Variants in TEX2 observed in about 807,000 individuals in gnomAD.
The protein encoded by TEX2 is testis expressed 2.
TEX2 carries 53 observed loss-of-function variants against 106.9 expected under a neutral mutation model. That is an observed-to-expected ratio of 0.50 (90% CI 0.40 to 0.62). The LOEUF (loss-of-function observed/expected upper bound fraction) is 0.62. Among genes scored for constraint, TEX2 ranks in the 20% least tolerant of loss-of-function variants. The pLI is 0.00. For missense variants in TEX2, 1,207 were observed against 1,379.0 expected (o/e 0.88, Z 1.98); for synonymous variants, 523 against 534.8 (o/e 0.98, Z 0.30).
intron 2 of TEX2, among the ~76,000 whole-genome samples, chr17:64,208,343 A>C (rs2032901325): frequency 6.6e-6 from 1 of 151,614 alleles, no homozygotes; most frequent in Non-Finnish European, 1.5e-5. Flanking sequence ...AGCTCAAGCG[A>C]TCTTCCTGCC....
intron 2 of TEX2, among the ~76,000 whole-genome samples, chr17:64,210,634 CTTTTTTT>C (rs58313195): frequency 0.026 from 1,979 of 74,776 alleles, 46 homozygotes; most frequent in Middle Eastern, 0.06. Flanking sequence ...CAACCCCCAG[CTTTTTTT>C]TTTTTTTTTT....
Position 64,194,898 on chromosome 17 carries a change from G to C in TEX2, c.1842C>G (p.Ser614Arg), listed in dbSNP as rs1471698875. Reference protein sequence around the residue: ...ISQKIYDLSDSKIYLVPKTLA... With the variant: ...ISQKIYDLSDRKIYLVPKTLA... ...TTCCAAAATTGCTCAGGCTCACCTTGCTGTCTGAGAGGTCATAGATTTTCT... is the reference window on the plus strand; with the variant it reads ...TTCCAAAATTGCTCAGGCTCACCTTCCTGTCTGAGAGGTCATAGATTTTCT... The change falls in exon 3 of 12, where the codon AGC becomes AGG. Residue 614 changes from serine to arginine, a missense_variant. Around this residue, in one of 3 missense-constraint regions of TEX2, gnomAD observed 1,067 missense variants for 1,193.6 expected, o/e 0.89. Coordinates refer to ENST00000584379, the MANE Select transcript of TEX2 (RefSeq NM_001288732.2). 1 of 1,613,948 alleles carries C rather than the reference G, an allele frequency of 6.2e-7. No homozygotes were observed. Among genetic ancestry groups the C allele is most frequent in the Non-Finnish European group, 8.5e-7 (1 of 1,179,948 alleles).
At position 64,196,196 on chromosome 17, in the gene TEX2, C is replaced by T. The variant is rs139209129; in HGVS notation, c.1645-1101G>A. ...TTAAAACACGCATTGAATCTATGTG[C>T]GAAGCAATGGGTTAGGAGTTGGGAC... On this transcript the variant is annotated intron_variant, in intron 2 of 11. Transcript: ENST00000584379. 1.8e-4 allele frequency among the ~76,000 whole-genome samples: 28 copies of T among 152,270 alleles called. No homozygotes were observed. In the East Asian group the frequency reaches 4.8e-3, roughly 26 times the overall value.
chr17:64,230,085 A>G (rs1262317462), intron 1 of TEX2, among the ~76,000 whole-genome samples: 3 of 152,104 alleles, frequency 2.0e-5, no homozygotes, highest in Non-Finnish European at 4.4e-5. Context: ...AAGAAGATAA[A>G]TTTTTTTAAA....
intron 5 of TEX2, among the ~76,000 whole-genome samples, chr17:64,179,589 G>A (rs2031764623): frequency 1.3e-5 from 2 of 152,230 alleles, no homozygotes; most frequent in South Asian, 2.1e-4. Flanking sequence ...GTGAGACCAC[G>A]AACCCACCAG....
intron 4 of TEX2, 106 bp from the exon 5 acceptor site, chr17:64,188,521 A>G: frequency 6.5e-7 from 1 of 1,534,124 alleles, no homozygotes; most frequent in Non-Finnish European, 8.8e-7. Flanking sequence ...GACTGTTTAA[A>G]AATATTTATA....
rs2033102036 is a variant in TEX2 at position 64,213,818 on chromosome 17, C to A, written c.400G>T (p.Val134Leu). ...CCCGACGAAGACGACCCTGGGGACA[C>A]AGCCAATGGCACTGTACTTAATACT... ...AQVLSTVPLA[V>L]SPGSSSSGPL... is the part of the protein sequence containing the mutation. Residue 134 changes from valine to leucine, a missense_variant, in exon 2 of 12, where the codon GTG becomes TTG. Physicochemically the swap from Val to Leu is conservative, Grantham distance 32 (BLOSUM62 1). Around this residue, in one of 3 missense-constraint regions of TEX2, gnomAD observed 1,067 missense variants for 1,193.6 expected, o/e 0.89. Coordinates refer to ENST00000584379, the MANE Select transcript of TEX2 (RefSeq NM_001288732.2). This position sits in a 1 kb window ranked among gnomAD's most constrained non-coding sequence, Gnocchi z 4.4. 1.2e-6 allele frequency: 2 copies of A among 1,614,108 alleles called. No individual in the cohort carries two copies. The highest frequency in any genetic ancestry group is 1.7e-6 in the Non-Finnish European group (2 of 1,180,046).
At position 64,155,066 on chromosome 17, in the gene TEX2, G is replaced by T. The variant is rs1006585432; in HGVS notation, c.2805-99C>A. The T allele has an allele frequency of 1.3e-5, 18 of 1,347,948 alleles. No homozygotes were observed. In the Middle Eastern group the frequency reaches 8.3e-4, roughly 62 times the overall value. 83.5% of individuals were successfully genotyped at this position (1,347,948 alleles called of 1,614,324 possible). On this transcript the variant is annotated intron_variant, in intron 8 of 11. Coordinates refer to ENST00000584379, the MANE Select transcript of TEX2 (RefSeq NM_001288732.2). ...ATGCACACACACTCAACCACAACAG[G>T]GTCGGGATGTAACTGTTAACTACAT...
At chr17:64,220,416 G>A (rs1555633152) in intron 1 of TEX2, among the ~76,000 whole-genome samples, 3 of 152,072 alleles carry the variant, frequency 2.0e-5, no homozygotes, top group Non-Finnish European at 4.4e-5. Flanking sequence ...AGAGTGAACA[G>A]GCAACCTACA....
rs1036442694 is a variant in TEX2 at position 64,185,665 on chromosome 17, G to A, written c.2424+2503C>T. ...GAGGCCAGGCACAGTGGCTCACGCT[G>A]TAATTCCACCACTTTGGGAGGCCGA... On this transcript the variant is annotated intron_variant, in intron 5 of 11. Transcript: ENST00000584379. This position sits in a 1 kb window ranked among gnomAD's most constrained non-coding sequence, Gnocchi z 4.0. Among the ~76,000 whole-genome samples, 11 of 152,162 alleles carry A rather than the reference G, an allele frequency of 7.2e-5. No homozygotes were observed. Among genetic ancestry groups the A allele is most frequent in the Admixed American group, 7.2e-4 (11 of 15,270 alleles).
intron 1 of TEX2, among the ~76,000 whole-genome samples, chr17:64,240,888 A>G (rs1160123546): frequency 1.3e-5 from 2 of 152,228 alleles, no homozygotes; most frequent in Admixed American, 1.3e-4. Context: ...AGTAATAGGA[A>G]TAACTTCAGG....
At chr17:64,203,618 A>T (rs2143974495) in intron 2 of TEX2, among the ~76,000 whole-genome samples, 1 of 152,310 alleles carries the variant, frequency 6.6e-6, no homozygotes, top group East Asian at 1.9e-4. Flanking sequence ...CCTGAGATAC[A>T]AATTTGATTT....
Position 64,195,978 on chromosome 17 carries a change from C to T in TEX2, c.1645-883G>A, listed in dbSNP as rs2032453134. ...GTTTTAATTGATATCTTCCTACTCTCCCCAACTTTTTAAAAATACATGTCT... is the reference window on the plus strand; with the variant it reads ...GTTTTAATTGATATCTTCCTACTCTTCCCAACTTTTTAAAAATACATGTCT... On this transcript the variant is annotated intron_variant, in intron 2 of 11. Transcript: ENST00000584379. The surrounding 1 kb of genome is among the most constrained non-coding windows in gnomAD (Gnocchi z 4.1). 6.6e-6 allele frequency among the ~76,000 whole-genome samples: 1 copy of T among 152,180 alleles called. No homozygotes were observed. Among genetic ancestry groups the T allele is most frequent in the Non-Finnish European group, 1.5e-5 (1 of 68,038 alleles).
At chr17:64,252,232 C>G (rs2034106553) in intron 1 of TEX2, among the ~76,000 whole-genome samples, 1 of 152,164 alleles carries the variant, frequency 6.6e-6, no homozygotes, top group Non-Finnish European at 1.5e-5. Flanking sequence ...ACCCTCTGTA[C>G]AGTTTTCATG....
Position 64,177,353 on chromosome 17 carries a change from T to C in TEX2, c.2543A>G (p.Lys848Arg). 1 of 1,614,224 alleles carries C rather than the reference T, an allele frequency of 6.2e-7. No individual in the cohort carries two copies. The highest frequency in any genetic ancestry group is 1.1e-5 in the South Asian group (1 of 91,092). Reference sequence around the variant, plus strand: ...TATTTTGCTGAGTTTCATTTGGATCTTCTTAGACACCAGATCAGACCAGTA... The same window carrying C: ...TATTTTGCTGAGTTTCATTTGGATCCTCTTAGACACCAGATCAGACCAGTA... Reference protein sequence around the residue: ...EKYWSDLVSKKIQMKLSKIKL... With the variant: ...EKYWSDLVSKRIQMKLSKIKL... The change falls in exon 6 of 12, where the codon AAG (lysine) becomes AGG (arginine). Residue 848 changes from lysine (K) to arginine (R), a missense_variant. Coordinates refer to ENST00000584379, the MANE Select transcript of TEX2 (RefSeq NM_001288732.2).
At chr17:64,224,283 T>C (rs1201921779) in intron 1 of TEX2, among the ~76,000 whole-genome samples, 3 of 152,212 alleles carry the variant, frequency 2.0e-5, no homozygotes, top group African/African-American at 4.8e-5. Flanking sequence ...TAAGATTCTG[T>C]ATTTTTCTGC....
intron 1 of TEX2, among the ~76,000 whole-genome samples, chr17:64,214,449 A>G (rs1411468042): frequency 1.3e-5 from 2 of 152,250 alleles, no homozygotes; most frequent in African/African-American, 4.8e-5. Flanking sequence ...AGCAAACTAC[A>G]TAACCAATGT....
chr17:64,185,270 A>G lies in TEX2; in HGVS notation c.2424+2898T>C, dbSNP rs1489299533. On this transcript the variant is annotated intron_variant, in intron 5 of 11. Transcript: ENST00000584379. This position sits in a 1 kb window ranked among gnomAD's most constrained non-coding sequence, Gnocchi z 4.0. ...TGGAAGTGCCTTATGCAACCTGAAC[A>G]CCAGAGCCTCACTACTGGAGGACAG... Among the ~76,000 whole-genome samples the G allele has an allele frequency of 1.3e-5, 2 of 152,098 alleles. No individual in the cohort carries two copies. The highest frequency in any genetic ancestry group is 2.4e-5 in the African/African-American group (1 of 41,428).
In TEX2 at chr17:64,148,401, C is replaced by T. The variant is rs2030166347; in HGVS notation, c.*568G>A. The T allele has an allele frequency of 6.5e-6, 1 of 153,442 alleles. No homozygotes were observed. Among genetic ancestry groups the T allele is most frequent in the Non-Finnish European group, 1.5e-5 (1 of 68,680 alleles). The allele number at this position is 153,442 out of a possible 1,614,324, so 9.5% of individuals were successfully genotyped here. Reference sequence around the variant, plus strand: ...ATAGCGTGTTGTGTGTGTACTATGGCTACTTGCTTCCCAAATGCACAATTT... The same window carrying T: ...ATAGCGTGTTGTGTGTGTACTATGGTTACTTGCTTCCCAAATGCACAATTT... On this transcript the variant is annotated 3_prime_UTR_variant, in exon 12 of 12. Transcript: ENST00000584379.
Sources: allele counts gnomAD v4.1 joint callset (sites outside exome capture counted in the v4.1 genomes callset), GRCh38; gene constraint gnomAD v4.1.1; regional missense constraint gnomAD v4.1.1; non-coding constraint Gnocchi (gnomAD v3.1); transcripts MANE v1.5; gene names NCBI Gene and HGNC (gene_info 2026-07-23, HGNC 2026-07-21).